The following TIAM1 variants were observed in gnomAD, a reference collection of about 807,000 sequenced individuals.
The protein encoded by TIAM1 is TIAM Rac1 associated GEF 1.
A neutral mutation model predicts 163.5 loss-of-function variants in TIAM1; 65 were observed. The observed-to-expected ratio is 0.40, with a 90% CI of 0.33 to 0.49. The LOEUF (loss-of-function observed/expected upper bound fraction) is 0.49. TIAM1 is among the 20% of genes least tolerant of loss of function. The pLI, the probability that TIAM1 is intolerant of heterozygous loss-of-function variation, is 0.77. For synonymous variants in TIAM1, 833 were observed against 810.1 expected (o/e 1.03, Z -0.48); for missense variants, 1,789 against 2,044.7 (o/e 0.87, Z 2.41).
In TIAM1 at chr21:31,386,862, A is replaced by C. The variant is rs76983904; in HGVS notation, c.-368-47440T>G. Among the ~76,000 whole-genome samples the C allele has an allele frequency of 5.0e-3, 765 of 152,352 alleles. 4 individuals are homozygous for C. The highest frequency in any genetic ancestry group is 0.018 in the African/African-American group (731 of 41,592). ...AACTACAGGATACAGGGGCACTGAC[A>C]GCCGGAATGGATGCTGGGAGCTTAT... On this transcript the variant is annotated intron_variant, in intron 2 of 28. Transcript: ENST00000286827.
chr21:31,414,666 C>T (rs115014832), intron 2 of TIAM1, among the ~76,000 whole-genome samples: 115 of 152,292 alleles, frequency 7.6e-4, no homozygotes, highest in Middle Eastern at 3.4e-3. Flanking sequence ...CAATATGAGC[C>T]TCTGAAGGAC....
intron 6 of TIAM1, among the ~76,000 whole-genome samples, chr21:31,244,697 G>A (rs1388328339): frequency 2.0e-5 from 3 of 152,200 alleles, no homozygotes; most frequent in African/African-American, 4.8e-5. Context: ...TGCACTTCCA[G>A]CATGGGTGAC....
intron 2 of TIAM1, among the ~76,000 whole-genome samples, chr21:31,277,232 C>A (rs1450916461): frequency 6.6e-6 from 1 of 152,186 alleles, no homozygotes; most frequent in Non-Finnish European, 1.5e-5. Context: ...CTAAAACCCA[C>A]CAAAACCAAG....
chr21:31,363,004 C>T (rs2076433254), intron 2 of TIAM1, among the ~76,000 whole-genome samples: 1 of 152,074 alleles, frequency 6.6e-6, no homozygotes, highest in Admixed American at 6.6e-5. Flanking sequence ...CATACTTCTT[C>T]CACCATCCTT....
At chr21:31,499,319 G>A (rs2046770553) in intron 1 of TIAM1, among the ~76,000 whole-genome samples, 1 of 152,152 alleles carries the variant, frequency 6.6e-6, no homozygotes, top group Non-Finnish European at 1.5e-5. Context: ...CAGCACTTTG[G>A]GAGGCTGAGG....
chr21:31,339,121 A>G (rs2075942650), intron 2 of TIAM1, 122 bp downstream of exon 2: 1 of 384,046 alleles, frequency 2.6e-6, no homozygotes, highest in Admixed American at 4.5e-5. Context: ...CACCAAAACA[A>G]TCGTCACAAA....
intron 5 of TIAM1, among the ~76,000 whole-genome samples, chr21:31,249,904 C>T (rs2071699773): frequency 6.6e-6 from 1 of 151,976 alleles, no homozygotes; most frequent in African/African-American, 2.4e-5. Context: ...AACTGTAAAC[C>T]CAAGGCCAAA....
chr21:31,378,649 A>G (rs1292851555), intron 2 of TIAM1, among the ~76,000 whole-genome samples: 1 of 152,186 alleles, frequency 6.6e-6, no homozygotes, highest in Non-Finnish European at 1.5e-5. Flanking sequence ...CCCTGAAGAC[A>G]ATCTTTTTCC....
intron 15 of TIAM1, among the ~76,000 whole-genome samples, chr21:31,166,622 G>A (rs1356874651): frequency 3.3e-5 from 5 of 152,152 alleles, no homozygotes; most frequent in Non-Finnish European, 7.3e-5. Context: ...TCTGGCTCTT[G>A]GATTTTCTTG....
chr21:31,414,875 C>T (rs983460327), intron 2 of TIAM1, among the ~76,000 whole-genome samples: 8 of 152,166 alleles, frequency 5.3e-5, no homozygotes, highest in African/African-American at 9.7e-5. Context: ...GGACACACAC[C>T]GCCCACAATA....
intron 12 of TIAM1, among the ~76,000 whole-genome samples, chr21:31,196,113 G>A (rs1451194325): frequency 6.6e-6 from 1 of 151,922 alleles, no homozygotes; most frequent in African/African-American, 2.4e-5. Flanking sequence ...AGACATGAAC[G>A]GGCACTTCTC....
chr21:31,543,408 A>C (rs2048382093), intron 1 of TIAM1, among the ~76,000 whole-genome samples: 1 of 152,240 alleles, frequency 6.6e-6, no homozygotes, highest in East Asian at 1.9e-4. Context: ...CCTCCACAGC[A>C]GCGCCGTGGG....
intron 18 of TIAM1, 121 bp downstream of exon 18, chr21:31,152,945 C>T: frequency 7.8e-7 from 1 of 1,290,016 alleles, no homozygotes; most frequent in Non-Finnish European, 1.1e-6. Flanking sequence ...ATAATTTCAG[C>T]TAGTTACAAT....
At chr21:31,380,566 T>G (rs1437512745) in intron 2 of TIAM1, among the ~76,000 whole-genome samples, 1 of 151,782 alleles carries the variant, frequency 6.6e-6, no homozygotes, top group African/African-American at 2.4e-5. Context: ...TAATATAATA[T>G]AAAGTAAAGT....
At chr21:31,320,439 A>T (rs1025968785) in intron 2 of TIAM1, among the ~76,000 whole-genome samples, 3 of 152,216 alleles carry the variant, frequency 2.0e-5, no homozygotes, top group Non-Finnish European at 4.4e-5. Context: ...ATTTTATTAT[A>T]GATATTTTAT....
chr21:31,196,673 G>A (rs1460456200), intron 12 of TIAM1, among the ~76,000 whole-genome samples: 1 of 152,100 alleles, frequency 6.6e-6, no homozygotes, highest in East Asian at 1.9e-4. Flanking sequence ...TTCAGCCACT[G>A]TGGAAAGCAG....
intron 1 of TIAM1, among the ~76,000 whole-genome samples, chr21:31,473,688 G>GA (rs1358522559): frequency 6.6e-6 from 1 of 152,026 alleles, no homozygotes; most frequent in African/African-American, 2.4e-5. Context: ...AAAGTAGCAG[G>GA]AAAGGGGTCC....
At chr21:31,322,656 A>C (rs1191475538) in intron 2 of TIAM1, among the ~76,000 whole-genome samples, 1 of 152,022 alleles carries the variant, frequency 6.6e-6, no homozygotes, top group African/African-American at 2.4e-5. Context: ...CTGTGTCACG[A>C]TGCATTGACT....
chr21:31,410,099 G>GAC (rs68160309), intron 2 of TIAM1, among the ~76,000 whole-genome samples: 4 of 93,796 alleles, frequency 4.3e-5, no homozygotes, highest in Non-Finnish European at 7.6e-5. Context: ...GTGTGTGTGT[G>GAC]TGTGAGGTTG....
Sources: gnomAD v4.1 joint callset for allele counts (sites outside exome capture counted in the v4.1 genomes callset) on GRCh38, gnomAD v4.1.1 for gene constraint, MANE v1.5 for transcripts, NCBI Gene and HGNC (gene_info 2026-07-23, HGNC 2026-07-21) for gene names.